Variants in SYNE1 observed in about 807,000 individuals in gnomAD.
The protein encoded by SYNE1 is spectrin repeat containing nuclear envelope protein 1.
A neutral mutation model predicts 1,111.0 loss-of-function variants in SYNE1; 616 were observed. That is an observed-to-expected ratio of 0.55 (90% CI 0.52 to 0.59). The LOEUF (loss-of-function observed/expected upper bound fraction) is 0.59, where lower values mean the gene tolerates loss of function less well. Among genes scored for constraint, SYNE1 ranks in the 20% least tolerant of loss-of-function variants. The pLI, the probability that SYNE1 is intolerant of heterozygous loss-of-function variation, is 0.00. For missense variants in SYNE1, 10,006 were observed against 10,417.0 expected (o/e 0.96, Z 1.72); for synonymous variants, 3,855 against 3,825.8 (o/e 1.01, Z -0.28).
chr6:152,402,759 CAGAGAGAGAGAGAAACAG>C (rs1469762855), intron 46 of SYNE1: 1 of 134,664 alleles, frequency 7.4e-6, no homozygotes, highest in Non-Finnish European at 1.6e-5. Flanking sequence ...GAGAGAAAGA[CAGAGAGAGAGAGAAACAG>C]AGAGAGAGAG....
At chr6:152,511,479 T>C in intron 6 of SYNE1, 1 of 1,171,322 alleles carries the variant, frequency 8.5e-7, no homozygotes, top group Non-Finnish European at 1.3e-6. Context: ...GAAGATGCAC[T>C]TACTTTGAAG....
intron 3 of SYNE1, among the ~76,000 whole-genome samples, chr6:152,622,569 C>T (rs1296705034): frequency 6.6e-6 from 1 of 152,064 alleles, no homozygotes; most frequent in Admixed American, 6.6e-5. Context: ...ACCTCTAGCT[C>T]CATCCATGTC....
intron 61 of SYNE1, 63 bp from the exon 62 acceptor site, chr6:152,367,445 AGTTT>A (rs1191472171): frequency 1.8e-5 from 28 of 1,598,980 alleles, no homozygotes; most frequent in Non-Finnish European, 2.4e-5. Context: ...CAAAGCTAAC[AGTTT>A]GTTTGAAACA....
intron 55 of SYNE1, among the ~76,000 whole-genome samples, chr6:152,381,726 G>A (rs1317429594): frequency 2.6e-5 from 4 of 152,144 alleles, no homozygotes; most frequent in Non-Finnish European, 5.9e-5. Context: ...GGATGCTCAA[G>A]TAAATAAAGA....
At chr6:152,607,782 C>A (rs1472709013) in intron 3 of SYNE1, among the ~76,000 whole-genome samples, 3 of 152,178 alleles carry the variant, frequency 2.0e-5, no homozygotes, top group Non-Finnish European at 2.9e-5. Context: ...TAAAACCAAC[C>A]CAGATGCCCA....
intron 121 of SYNE1, among the ~76,000 whole-genome samples, chr6:152,216,419 C>A (rs970254601): frequency 6.6e-6 from 1 of 152,120 alleles, no homozygotes; most frequent in African/African-American, 2.4e-5. Context: ...GGGGCCTGGT[C>A]CTGGACAGAC....
At chr6:152,233,642 T>A in intron 112 of SYNE1, 139 bp downstream of exon 112, 2 of 1,087,566 alleles carry the variant, frequency 1.8e-6, no homozygotes, top group Non-Finnish European at 2.7e-6. Context: ...ACTCTTAATA[T>A]TAATACAACG....
chr6:152,383,466 T>G (rs960860709), intron 55 of SYNE1, among the ~76,000 whole-genome samples: 3 of 152,208 alleles, frequency 2.0e-5, no homozygotes, highest in African/African-American at 7.2e-5. Context: ...CAAACCTAGT[T>G]GGGATTCTTT....
In SYNE1 at chr6:152,255,732, CTT is replaced by C. The variant is rs749132787; in HGVS notation, c.19117_19118del (p.Lys6373GlufsTer12). The part of the protein sequence containing the change: ...EEVSSQSGGA[K>X]RQSIHLEQKL... ...TCTGCTCCAAGTGTATACTCTGCCT[CTT>C]TGCCCCTCCACTCTGGGAAACACAA... On this transcript the variant is annotated frameshift_variant, in exon 103 of 146. Coordinates refer to ENST00000367255, the MANE Select transcript of SYNE1 (RefSeq NM_182961.4). LOFTEE classifies it high-confidence loss of function. The C allele has an allele frequency of 6.2e-7, 1 of 1,614,208 alleles. No individual in the cohort carries two copies. The highest frequency in any genetic ancestry group is 8.5e-7 in the Non-Finnish European group (1 of 1,180,032).
intron 5 of SYNE1, 67 bp downstream of exon 5, chr6:152,526,013 A>T: frequency 6.8e-7 from 1 of 1,471,788 alleles, no homozygotes; most frequent in Non-Finnish European, 9.5e-7. Context: ...AGCACTCTCA[A>T]CTCCATAGTC....
chr6:152,401,607 T>A (rs1214709578), intron 46 of SYNE1, among the ~76,000 whole-genome samples: 1 of 152,150 alleles, frequency 6.6e-6, no homozygotes, highest in Non-Finnish European at 1.5e-5. Flanking sequence ...CCAGGGAAGA[T>A]GTGAGAGGGC....
chr6:152,240,117 G>C (rs1436172093), intron 107 of SYNE1, among the ~76,000 whole-genome samples: 1 of 152,114 alleles, frequency 6.6e-6, no homozygotes, highest in Non-Finnish European at 1.5e-5. Flanking sequence ...AGTGCGCGAG[G>C]AGTCCTTGAC....
chr6:152,293,988 T>A lies in SYNE1; in HGVS notation c.17822A>T (p.Gln5941Leu), dbSNP rs1412158634. Residue 5941 changes from glutamine (Q) to leucine (L), a missense_variant, in exon 94 of 146, where the codon CAG (glutamine) becomes CTG (leucine). Gln to Leu is a moderately radical substitution (Grantham distance 113). Transcript: ENST00000367255. ...PSATAKLGDLQRSWETLKNVI... is the reference protein window; with the variant it reads ...PSATAKLGDLLRSWETLKNVI... ...ATTCTTTAAGGTTTCCCAAGAACGC[T>A]GCAAATCACCCAGTTTGGCAGTAGC... is the stretch of plus-strand genomic sequence containing the variant. 6.2e-7 allele frequency: 1 copy of A among 1,614,142 alleles called. No individual in the cohort carries two copies. The highest frequency in any genetic ancestry group is 1.1e-5 in the South Asian group (1 of 91,074).
intron 87 of SYNE1, among the ~76,000 whole-genome samples, chr6:152,311,892 C>T (rs551879880): frequency 5.1e-3 from 775 of 152,268 alleles, no homozygotes; most frequent in Non-Finnish European, 8.1e-3. Context: ...TCTCCTGCCT[C>T]AGCCCCCCGA....
At position 152,353,254 on chromosome 6, in the gene SYNE1, C is replaced by T. The variant is rs368012172; in HGVS notation, c.11253+9G>A. On this transcript the variant is annotated intron_variant, in intron 69 of 145. Transcript: ENST00000367255. ...AGGTTGGATACAAATCTGAAGTATG[C>T]GTGCCTACCTCCAACGTCTTCAATT... 616 of 1,614,052 alleles carry T rather than the reference C, an allele frequency of 3.8e-4. No individual in the cohort carries two copies. The highest frequency in any genetic ancestry group is 5.0e-4 in the Non-Finnish European group (594 of 1,179,996).
At chr6:152,339,486 C>T in intron 74 of SYNE1, 120 bp from the exon 75 acceptor site, 1 of 1,408,150 alleles carries the variant, frequency 7.1e-7, no homozygotes, top group Non-Finnish European at 9.7e-7. Context: ...TCAGTGTTTT[C>T]ACCATTGTGT....
intron 128 of SYNE1, among the ~76,000 whole-genome samples, 177 bp from the exon 129 acceptor site, chr6:152,180,471 G>A (rs2153182418): frequency 6.6e-6 from 1 of 152,286 alleles, no homozygotes; most frequent in South Asian, 2.1e-4. Context: ...GAATCCTCTA[G>A]TTCTTTCCTG....
At chr6:152,325,861 A>G (rs1047792074) in intron 80 of SYNE1, 97 bp downstream of exon 80, 9 of 1,479,216 alleles carry the variant, frequency 6.1e-6, no homozygotes, top group Non-Finnish European at 8.4e-6. Flanking sequence ...TCACATTGAA[A>G]AAAGTCCAGG....
chr6:152,390,694 T>C (rs1346893344), intron 52 of SYNE1, among the ~76,000 whole-genome samples: 1 of 152,140 alleles, frequency 6.6e-6, no homozygotes, highest in Non-Finnish European at 1.5e-5. Context: ...GCCTAGAAAG[T>C]ATAATTTTAT....
Sources: allele counts gnomAD v4.1 joint callset (sites outside exome capture counted in the v4.1 genomes callset), GRCh38; gene constraint gnomAD v4.1.1; transcripts MANE v1.5; gene names NCBI Gene and HGNC (gene_info 2026-07-23, HGNC 2026-07-21).